The following INPP4B variants were observed in gnomAD, a reference collection of about 807,000 sequenced individuals.
INPP4B encodes the protein inositol polyphosphate-4-phosphatase type II B.
INPP4B carries 55 observed loss-of-function variants against 122.5 expected under a neutral mutation model. The observed-to-expected ratio is 0.45, with a 90% CI of 0.36 to 0.56. The LOEUF (loss-of-function observed/expected upper bound fraction) is 0.56, where lower values mean the gene tolerates loss of function less well. INPP4B is among the 20% of genes least tolerant of loss of function. INPP4B has a pLI of 0.00. For synonymous variants in INPP4B, 403 were observed against 388.7 expected, an observed-to-expected ratio of 1.04 and a Z score of -0.43; for missense variants, 1,000 against 1,097.7, an observed-to-expected ratio of 0.91 and a Z score of 1.26.
At chr4:142,631,890 A>G (rs1748041010) in intron 2 of INPP4B, among the ~76,000 whole-genome samples, 1 of 152,130 alleles carries the variant, frequency 6.6e-6, no homozygotes, top group Non-Finnish European at 1.5e-5. Context: ...ATATTGGGTG[A>G]CATATTGAGG....
intron 5 of INPP4B, among the ~76,000 whole-genome samples, chr4:142,424,979 T>A (rs1807726826): frequency 6.6e-6 from 1 of 152,018 alleles, no homozygotes; most frequent in Non-Finnish European, 1.5e-5. Flanking sequence ...AACCAAGAAA[T>A]AATGGCTCTG....
chr4:142,080,403 G>C (rs1773293524), intron 25 of INPP4B, among the ~76,000 whole-genome samples: 1 of 152,016 alleles, frequency 6.6e-6, no homozygotes, highest in Non-Finnish European at 1.5e-5. Context: ...TCACACTCTG[G>C]CACGGTCCTC....
chr4:142,533,631 G>T (rs531517536), intron 2 of INPP4B, among the ~76,000 whole-genome samples: 2 of 152,206 alleles, frequency 1.3e-5, no homozygotes, highest in Non-Finnish European at 2.9e-5. Context: ...ACTAAAAACA[G>T]TTCGAGATTC....
intron 11 of INPP4B, among the ~76,000 whole-genome samples, chr4:142,259,489 C>G (rs1738522565): frequency 6.6e-6 from 1 of 151,168 alleles, no homozygotes; most frequent in Admixed American, 6.6e-5. Context: ...TGTACTCTTT[C>G]TAGGTACAGG....
At chr4:142,693,517 A>G (rs1015415888) in intron 2 of INPP4B, among the ~76,000 whole-genome samples, 7 of 106,754 alleles carry the variant, frequency 6.6e-5, no homozygotes, top group Non-Finnish European at 1.2e-4. Flanking sequence ...AAAAAAAAAA[A>G]AAAAAAAAAA....
chr4:142,034,370 A>G (rs918016667), intron 25 of INPP4B, among the ~76,000 whole-genome samples: 2 of 152,180 alleles, frequency 1.3e-5, no homozygotes, highest in East Asian at 1.9e-4. Context: ...CCCTGCCACA[A>G]TCACCCAGCC....
chr4:142,414,604 T>A (rs1805295526), intron 5 of INPP4B, among the ~76,000 whole-genome samples: 1 of 152,206 alleles, frequency 6.6e-6, no homozygotes, highest in Non-Finnish European at 1.5e-5. Context: ...CTCAAGCTTA[T>A]GCCCTGCTCC....
chr4:142,249,416 C>CT (rs146063458), intron 11 of INPP4B, among the ~76,000 whole-genome samples: 15,129 of 152,010 alleles, frequency 0.1, 844 homozygotes, highest in Middle Eastern at 0.14. Flanking sequence ...GTCTTTAAAA[C>CT]TTTTTTTAAT....
chr4:142,396,043 T>C (rs759400678), intron 7 of INPP4B, among the ~76,000 whole-genome samples: 5 of 152,280 alleles, frequency 3.3e-5, no homozygotes, highest in Non-Finnish European at 7.4e-5. Flanking sequence ...AGGTTAAATC[T>C]CATGTTAAGT....
chr4:142,444,900 G>A (rs1641870393), intron 3 of INPP4B, among the ~76,000 whole-genome samples: 1 of 152,064 alleles, frequency 6.6e-6, no homozygotes, highest in Admixed American at 6.6e-5. Flanking sequence ...ATCATTCTCA[G>A]CAAACACACA....
chr4:142,065,562 C>T (rs1037505152), intron 25 of INPP4B, among the ~76,000 whole-genome samples: 26 of 152,188 alleles, frequency 1.7e-4, no homozygotes, highest in African/African-American at 6.3e-4. Context: ...ATGGATGCAC[C>T]TGGAAAATGT....
chr4:142,505,571 T>C (rs60558872), intron 2 of INPP4B, among the ~76,000 whole-genome samples: 1,760 of 152,218 alleles, frequency 0.012, 32 homozygotes, highest in African/African-American at 0.04. Context: ...ACAATGTAAT[T>C]AAACTGTTTA....
rs1407974800 is a variant in INPP4B at position 142,332,523 on chromosome 4, A to T, written c.373-17761T>A. 3.3e-5 allele frequency among the ~76,000 whole-genome samples: 5 copies of T among 150,296 alleles called. No homozygotes were observed. The East Asian group carries it at 5.8e-4, about 18-fold the overall frequency. On this transcript the variant is annotated intron_variant, in intron 7 of 25. Transcript: ENST00000262992. ...GGGGGAAAAAAAAGCATATATAGTT[A>T]AAAAAAAAGTTGCTTAAAAAAGGAA... is the stretch of plus-strand genomic sequence containing the variant.
Position 142,145,926 on chromosome 4 carries a change from C to G in INPP4B, c.1634G>C (p.Arg545Thr). The G allele has an allele frequency of 6.2e-7, 1 of 1,613,962 alleles. No homozygotes were observed. Among genetic ancestry groups the G allele is most frequent in the Non-Finnish European group, 8.5e-7 (1 of 1,179,856 alleles). Residue 545 changes from arginine (R) to threonine (T), a missense_variant, in exon 18 of 26, where the codon AGA (arginine) becomes ACA (threonine). Transcript: ENST00000262992. ...IIAMVDKLIE[R>T]DGGSEGSGGN... ...GCCACTGCCTTCACTGCCACCATCT[C>G]TTTCAATCAGTTTGTCCACCATAGC...
chr4:142,616,207 C>T (rs1057098371), intron 2 of INPP4B, among the ~76,000 whole-genome samples: 56 of 152,240 alleles, frequency 3.7e-4, no homozygotes, highest in African/African-American at 1.3e-3. Flanking sequence ...AAATGTCTAT[C>T]TCAGTGTGGT....
intron 1 of INPP4B, among the ~76,000 whole-genome samples, chr4:142,796,210 A>C (rs1288262538): frequency 2.6e-5 from 4 of 152,042 alleles, no homozygotes; most frequent in Non-Finnish European, 4.4e-5. Context: ...TGTAAAATGA[A>C]TGAATTAAGG....
At chr4:142,228,332 T>TA (rs1410442454) in intron 12 of INPP4B, among the ~76,000 whole-genome samples, 1 of 152,046 alleles carries the variant, frequency 6.6e-6, no homozygotes, top group Non-Finnish European at 1.5e-5. Context: ...ATTACTTTTT[T>TA]AAAAAAATGC....
At chr4:142,369,884 C>T (rs1030571845) in intron 7 of INPP4B, among the ~76,000 whole-genome samples, 12 of 144,702 alleles carry the variant, frequency 8.3e-5, no homozygotes, top group Admixed American at 6.4e-4. Flanking sequence ...TGAGCCAACA[C>T]GGTGCCACTG....
intron 7 of INPP4B, among the ~76,000 whole-genome samples, chr4:142,327,585 A>G (rs1034616190): frequency 2.0e-5 from 3 of 152,156 alleles, no homozygotes; most frequent in Admixed American, 6.6e-5. Flanking sequence ...TCTCTATAGA[A>G]TTCTACCAAA....
Sources: gnomAD v4.1 joint callset for allele counts (sites outside exome capture counted in the v4.1 genomes callset) on GRCh38, gnomAD v4.1.1 for gene constraint, MANE v1.5 for transcripts, NCBI Gene and HGNC (gene_info 2026-07-23, HGNC 2026-07-21) for gene names.